The following PPM1D variants were observed in gnomAD, a reference collection of about 807,000 sequenced individuals.
PPM1D encodes protein phosphatase, Mg2+/Mn2+ dependent 1D, also known as protein phosphatase 1D.
A neutral mutation model predicts 58.3 loss-of-function variants in PPM1D; 52 were observed. The observed-to-expected ratio is 0.89, with a 90% CI of 0.71 to 1.12. The LOEUF is 1.12. Among genes scored for constraint, PPM1D ranks in the 50% most tolerant of loss-of-function variants. The pLI is 0.00. For missense variants in PPM1D, 564 were observed against 777.2 expected (o/e 0.73, Z 3.26); for synonymous variants, 278 against 285.1 (o/e 0.98, Z 0.25).
chr17:60,647,504 ATAT>A (rs2031270640), intron 3 of PPM1D, among the ~76,000 whole-genome samples: 1 of 152,144 alleles, frequency 6.6e-6, no homozygotes, highest in Non-Finnish European at 1.5e-5. Context: ...TCTGCAAATA[ATAT>A]TAGTATTATT....
chr17:60,656,616 T>C lies in PPM1D; in HGVS notation c.1035T>C (p.Ser345=). ...GAATACAGGGTGAGCATGGACAATCTTGTGCCAAAATGCTTGTGAATCGAG... is the reference window on the plus strand; with the variant it reads ...GAATACAGGGTGAGCATGGACAATCCTGTGCCAAAATGCTTGTGAATCGAG... ...KKYLMGEHGQ[S]CAKMLVNRAL... Residue 345 remains serine (S), a synonymous_variant, in exon 5 of 6, where the codon TCT becomes TCC. Transcript: ENST00000305921. 2 of 1,614,238 alleles carry C rather than the reference T, an allele frequency of 1.2e-6. No homozygotes were observed. The highest frequency in any genetic ancestry group is 1.7e-6 in the Non-Finnish European group (2 of 1,180,032).
chr17:60,637,948 A>C (rs989852674), intron 3 of PPM1D, among the ~76,000 whole-genome samples: 2 of 152,142 alleles, frequency 1.3e-5, no homozygotes, highest in South Asian at 2.1e-4. Flanking sequence ...ATTTAGGTGG[A>C]GGGAGGATTG....
intron 2 of PPM1D, among the ~76,000 whole-genome samples, chr17:60,629,847 G>A (rs1040419000): frequency 1.3e-4 from 20 of 152,048 alleles, no homozygotes; most frequent in African/African-American, 4.8e-4. Context: ...AGACAAGCCG[G>A]GCCAACATGG....
chr17:60,663,608 A>G lies in PPM1D; in HGVS notation c.*56A>G, dbSNP rs2031571710. ...CTTAGGATATAAGAGGGCTTTTTAA[A>G]TTTGGTGCCGATGTTGAACTTTTTT... On this transcript the variant is annotated 3_prime_UTR_variant, in exon 6 of 6. Transcript: ENST00000305921. The G allele has an allele frequency of 1.3e-6, 2 of 1,530,032 alleles. No individual in the cohort carries two copies. The highest frequency in any genetic ancestry group is 4.1e-5 in the Admixed American group (2 of 48,668). The allele number at this position is 1,530,032 out of a possible 1,614,324, so 94.8% of individuals were successfully genotyped here.
At chr17:60,625,386 A>G (rs1425586233) in intron 2 of PPM1D, among the ~76,000 whole-genome samples, 3 of 152,328 alleles carry the variant, frequency 2.0e-5, no homozygotes, top group South Asian at 4.1e-4. Flanking sequence ...AATTGGTACT[A>G]CCTATATAGA....
intron 3 of PPM1D, among the ~76,000 whole-genome samples, chr17:60,644,245 G>A (rs913046480): frequency 6.6e-6 from 1 of 151,816 alleles, no homozygotes; most frequent in African/African-American, 2.4e-5. Context: ...CAAAACCCTA[G>A]GGAATTGTTT....
In PPM1D at chr17:60,643,883, C is replaced by CTTTTTTTTT. The variant is rs71148308; in HGVS notation, c.827-3996_827-3988dup. Among the ~76,000 whole-genome samples, 21 of 97,740 alleles carry CTTTTTTTTT rather than the reference C, an allele frequency of 2.1e-4. 3 individuals are homozygous for CTTTTTTTTT. Among genetic ancestry groups the CTTTTTTTTT allele is most frequent in the African/African-American group, 3.2e-4 (8 of 24,924 alleles). 64.1% of individuals were successfully genotyped at this position (97,740 alleles called of 152,430 possible). On this transcript the variant is annotated intron_variant, in intron 3 of 5. Coordinates refer to ENST00000305921, the MANE Select transcript of PPM1D (RefSeq NM_003620.4). ...TTGTGCAATAGAACTCTTTTCTTTT[C>CTTTTTTTTT]TTTTTTTTTTTTTTTTTTTTTGAGA...
chr17:60,612,972 G>T, intron 1 of PPM1D, among the ~76,000 whole-genome samples: 1 of 152,134 alleles, frequency 6.6e-6, no homozygotes, highest in Admixed American at 6.6e-5. Context: ...TATTAGTTTG[G>T]AGTAGAGTCT....
intron 1 of PPM1D, among the ~76,000 whole-genome samples, chr17:60,617,026 C>A (rs2030598039): frequency 6.6e-6 from 1 of 152,126 alleles, no homozygotes; most frequent in Non-Finnish European, 1.5e-5. Flanking sequence ...TAGCTCACTG[C>A]AGCCTTGAAC....
chr17:60,617,881 C>G (rs7223805), intron 1 of PPM1D, among the ~76,000 whole-genome samples: 1 of 152,138 alleles, frequency 6.6e-6, no homozygotes, highest in East Asian at 1.9e-4. Flanking sequence ...GTCTGCACTG[C>G]AGATATCTGT....
intron 1 of PPM1D, among the ~76,000 whole-genome samples, chr17:60,619,949 A>G (rs868205594): frequency 4.6e-5 from 7 of 151,850 alleles, no homozygotes; most frequent in African/African-American, 7.3e-5. Flanking sequence ...ACAAATGTCT[A>G]TTCAGGTCAT....
chr17:60,646,649 C>T (rs113212705), intron 3 of PPM1D, among the ~76,000 whole-genome samples: 1 of 152,140 alleles, frequency 6.6e-6, no homozygotes, highest in South Asian at 2.1e-4. Context: ...TAGATGGTTT[C>T]TATAAATCAT....
intron 4 of PPM1D, among the ~76,000 whole-genome samples, chr17:60,649,339 G>A (rs2031302885): frequency 6.6e-6 from 1 of 152,184 alleles, no homozygotes; most frequent in Non-Finnish European, 1.5e-5. Flanking sequence ...GGCAGGAATA[G>A]TAAAGCTGTA....
chr17:60,649,459 C>T (rs554493068), intron 4 of PPM1D, among the ~76,000 whole-genome samples: 8 of 152,014 alleles, frequency 5.3e-5, no homozygotes, highest in African/African-American at 1.9e-4. Flanking sequence ...GAGGCTGAGG[C>T]GGGTGGATCA....
Position 60,600,368 on chromosome 17 carries a change from G to A in PPM1D, c.-47G>A. ...AGCGCCTAGTGTGTCTCCCGCCGCC[G>A]GATTCGGCGGGCTGCGTGGGACCGG... On this transcript the variant is annotated 5_prime_UTR_variant, in exon 1 of 6. Coordinates refer to ENST00000305921, the MANE Select transcript of PPM1D (RefSeq NM_003620.4). The A allele has an allele frequency of 6.5e-7, 1 of 1,536,746 alleles. No homozygotes were observed. The highest frequency in any genetic ancestry group is 8.8e-7 in the Non-Finnish European group (1 of 1,141,986).
In PPM1D at chr17:60,612,036, G is replaced by T. The variant is rs750631296; in HGVS notation, c.472+11150G>T. 8.0e-5 allele frequency among the ~76,000 whole-genome samples: 12 copies of T among 150,022 alleles called. 1 individual carries two copies. Among genetic ancestry groups the T allele is most frequent in the Non-Finnish European group, 8.9e-5 (6 of 67,536 alleles). The stretch of plus-strand genomic sequence containing the variant: ...TACATGTAGTCAGTGGCTACATGTG[G>T]GTATTTAAAAAAAGAAAACAGATTT... On this transcript the variant is annotated intron_variant, in intron 1 of 5. Transcript: ENST00000305921.
At chr17:60,622,361 T>C (rs2030724929) in intron 1 of PPM1D, among the ~76,000 whole-genome samples, 1 of 152,214 alleles carries the variant, frequency 6.6e-6, no homozygotes, top group Non-Finnish European at 1.5e-5. Context: ...TGTCTATATG[T>C]TGTGGATTTA....
intron 2 of PPM1D, among the ~76,000 whole-genome samples, chr17:60,628,087 A>G (rs1487002065): frequency 6.6e-6 from 1 of 151,990 alleles, no homozygotes; most frequent in Non-Finnish European, 1.5e-5. Flanking sequence ...ACCTCAGGCG[A>G]TCCACCTGCC....
At chr17:60,605,525 G>C (rs1249348952) in intron 1 of PPM1D, among the ~76,000 whole-genome samples, 3 of 152,156 alleles carry the variant, frequency 2.0e-5, no homozygotes, top group African/African-American at 7.2e-5. Flanking sequence ...TTTCTGTTGA[G>C]TGTAAGTAAA....
Sources: gnomAD v4.1 joint callset for allele counts (sites outside exome capture counted in the v4.1 genomes callset) on GRCh38, gnomAD v4.1.1 for gene constraint, MANE v1.5 for transcripts, NCBI Gene and HGNC (gene_info 2026-07-23, HGNC 2026-07-21) for gene names.